Variants in OR4D1 observed in about 807,000 individuals in gnomAD.
The protein encoded by OR4D1 is olfactory receptor 4D1.
In OR4D1, 10 loss-of-function variants were observed where a neutral mutation model predicts 14.2. The observed-to-expected ratio is 0.71, with a 90% CI of 0.44 to 1.20. The LOEUF (loss-of-function observed/expected upper bound fraction) is 1.20, where lower values mean the gene tolerates loss of function less well. Among genes scored for constraint, OR4D1 ranks in the 50% most tolerant of loss-of-function variants. The probability of loss-of-function intolerance (pLI) is 0.00; values close to 1 mark genes in which losing one functional copy is unlikely to be tolerated. For synonymous variants in OR4D1, 141 were observed against 147.4 expected, an observed-to-expected ratio of 0.96 and a Z score of 0.32; for missense variants, 345 against 376.6, an observed-to-expected ratio of 0.92 and a Z score of 0.70.
In OR4D1 at chr17:58,156,683, G is replaced by A. The variant is rs1967779388; in HGVS notation, c.*597G>A. On this transcript the variant is annotated 3_prime_UTR_variant, in exon 4 of 4. Transcript: ENST00000268912. ...GCTCAAAGGTGAACAGTAAGTGAGT[G>A]GCAGAGCTTGCCCTGGAACCTGGTT... 1 of 170,602 alleles carries A rather than the reference G, an allele frequency of 5.9e-6. No individual in the cohort carries two copies. The highest frequency in any genetic ancestry group is 1.3e-5 in the Non-Finnish European group (1 of 79,862). The allele number at this position is 170,602 out of a possible 1,614,324, so 10.6% of individuals were successfully genotyped here.
At position 58,148,840 on chromosome 17, in the gene OR4D1, T is replaced by C. The variant is rs542871430; in HGVS notation, c.-495+256T>C. Among the ~76,000 whole-genome samples, 5 of 152,284 alleles carry C rather than the reference T, an allele frequency of 3.3e-5. No individual in the cohort carries two copies. In the South Asian group the frequency reaches 1.0e-3, roughly 32 times the overall value. On this transcript the variant is annotated intron_variant, in intron 1 of 3. Transcript: ENST00000268912. The stretch of plus-strand genomic sequence containing the variant: ...AGGAGAAAACACAAACAGGTCTTGC[T>C]CTGACACTTTCCACCCTCTACTGTT...
In OR4D1 at chr17:58,158,029, T is replaced by C. The variant is rs1295619514; in HGVS notation, c.*1943T>C. 1.4e-5 allele frequency: 5 copies of C among 362,644 alleles called. No individual in the cohort carries two copies. In the East Asian group the frequency reaches 1.9e-4, roughly 14 times the overall value. 22.5% of individuals were successfully genotyped at this position (362,644 alleles called of 1,614,324 possible). A position where few individuals can be genotyped will look rare whatever the true frequency, so the allele number is the denominator to read the frequency against. ...TAATCTTCCAGGTGCCCCCTTCTCC[T>C]TTCACAAAGATTGGCTCTGATGGTT... is the stretch of plus-strand genomic sequence containing the variant. On this transcript the variant is annotated 3_prime_UTR_variant, in exon 4 of 4. Coordinates refer to ENST00000268912, the MANE Select transcript of OR4D1 (RefSeq NM_001386095.1).
At chr17:58,151,585 A>G (rs967133286) in intron 2 of OR4D1, among the ~76,000 whole-genome samples, 1 of 152,204 alleles carries the variant, frequency 6.6e-6, no homozygotes, top group Non-Finnish European at 1.5e-5. Context: ...GTCCCCGCAA[A>G]GGACATGATC....
In OR4D1 at chr17:58,155,711, A is replaced by C; in HGVS notation, c.558A>C (p.Arg186Ser). 1 of 1,614,048 alleles carries C rather than the reference A, an allele frequency of 6.2e-7. No individual in the cohort carries two copies. The highest frequency in any genetic ancestry group is 8.5e-7 in the Non-Finnish European group (1 of 1,179,992). Residue 186 changes from arginine to serine, a missense_variant, in exon 4 of 4, where the codon AGA becomes AGC. Physicochemically the swap from Arg to Ser is moderately radical, Grantham distance 110. Transcript: ENST00000268912. Reference sequence around the variant, plus strand: ...ACTGTGATGTTCCCCAAGTACTGAGACTTGCCTGCACTGATACCTCCCTCC... The same window carrying C: ...ACTGTGATGTTCCCCAAGTACTGAGCCTTGCCTGCACTGATACCTCCCTCC... Reference protein sequence around the residue: ...NFYCDVPQVLRLACTDTSLLE... With the variant: ...NFYCDVPQVLSLACTDTSLLE...
Position 58,159,498 on chromosome 17 carries a change from TCA to T in OR4D1, c.*3414_*3415del, listed in dbSNP as rs58249474. 17,710 of 152,766 alleles carry T rather than the reference TCA, an allele frequency of 0.12. 1,301 individuals carry two copies. The highest frequency in any genetic ancestry group is 0.21 in the African/African-American group (8,646 of 41,468). 9.5% of individuals were successfully genotyped at this position (152,766 alleles called of 1,614,324 possible). On this transcript the variant is annotated 3_prime_UTR_variant, in exon 4 of 4. Transcript: ENST00000268912. Reference sequence around the variant, plus strand: ...CCATCTTGGAAGCAGAGAATAGCCCTCACCAGACAACCAAACCTGTTGGAACC... The same window carrying T: ...CCATCTTGGAAGCAGAGAATAGCCCTCCAGACAACCAAACCTGTTGGAACC...
At chr17:58,150,122 A>G (rs530842246) in intron 2 of OR4D1, among the ~76,000 whole-genome samples, 2 of 152,242 alleles carry the variant, frequency 1.3e-5, no homozygotes, top group Non-Finnish European at 2.9e-5. Context: ...AGTTATTACC[A>G]TTACTACAAT....
rs1216323743 is a variant in OR4D1 at position 58,155,989 on chromosome 17, C to G, written c.836C>G (p.Thr279Ser). 6.9e-7 allele frequency: 1 copy of G among 1,454,828 alleles called. No homozygotes were observed. The highest frequency in any genetic ancestry group is 1.7e-5 in the African/African-American group (1 of 58,782). 90.1% of individuals were successfully genotyped at this position (1,454,828 alleles called of 1,614,324 possible). The change falls in exon 4 of 4, where the codon ACC becomes AGC. Residue 279 changes from threonine (T) to serine (S), a missense_variant. Physicochemically the swap from Thr to Ser is moderately conservative, Grantham distance 58. Transcript: ENST00000268912. ...GTGTCCATCAGCTACACAGTCATGACCCCCATGCTCAACCCCATGATCTAC... is the reference window on the plus strand; with the variant it reads ...GTGTCCATCAGCTACACAGTCATGAGCCCCATGCTCAACCCCATGATCTAC... ...KAVSISYTVM[T>S]PMLNPMIYTL...
At chr17:58,153,604 T>G (rs573510952) in intron 2 of OR4D1, among the ~76,000 whole-genome samples, 1 of 152,350 alleles carries the variant, frequency 6.6e-6, no homozygotes, top group East Asian at 1.9e-4. Flanking sequence ...GTGTAATTGC[T>G]GCTACCCTAC....
chr17:58,157,369 G>A lies in OR4D1; in HGVS notation c.*1283G>A, dbSNP rs189701007. 2.2e-6 allele frequency: 3 copies of A among 1,363,322 alleles called. No homozygotes were observed. Among genetic ancestry groups the A allele is most frequent in the Non-Finnish European group, 3.0e-6 (3 of 985,540 alleles). 84.5% of individuals were successfully genotyped at this position (1,363,322 alleles called of 1,614,324 possible). A position where few individuals can be genotyped will look rare whatever the true frequency, so the allele number is the denominator to read the frequency against. On this transcript the variant is annotated 3_prime_UTR_variant, in exon 4 of 4. Transcript: ENST00000268912. ...GATGCAGGAACCCTGCTGATAATTC[G>A]CCGCCGCCAAGACACGTGAGCCCTA...
At position 58,157,956 on chromosome 17, in the gene OR4D1, C is replaced by G. The variant is rs1389124352; in HGVS notation, c.*1870C>G. 4 of 671,398 alleles carry G rather than the reference C, an allele frequency of 6.0e-6. No individual in the cohort carries two copies. Among genetic ancestry groups the G allele is most frequent in the Non-Finnish European group, 1.0e-5 (4 of 391,118 alleles). 41.6% of individuals were successfully genotyped at this position (671,398 alleles called of 1,614,324 possible). A position where few individuals can be genotyped will look rare whatever the true frequency, so the allele number is the denominator to read the frequency against. On this transcript the variant is annotated 3_prime_UTR_variant, in exon 4 of 4. Transcript: ENST00000268912. ...AGGCCGGCAGGGCCACACGACACAG[C>G]TGAAGTTTGTTCTTTAGGCGGAGGC...
intron 2 of OR4D1, among the ~76,000 whole-genome samples, chr17:58,150,954 T>C (rs933997726): frequency 1.3e-5 from 2 of 152,156 alleles, no homozygotes; most frequent in Non-Finnish European, 2.9e-5. Flanking sequence ...AATACTTCTT[T>C]TGCTTTTTTT....
chr17:58,155,848 C>T lies in OR4D1; in HGVS notation c.695C>T (p.Ala232Val). The change falls in exon 4 of 4, where the codon GCA (alanine) becomes GTA (valine). Residue 232 changes from alanine to valine, a missense_variant. By Grantham distance (64) the Ala-to-Val change is moderately conservative. Coordinates refer to ENST00000268912, the MANE Select transcript of OR4D1 (RefSeq NM_001386095.1). Reference protein sequence around the residue: ...LVMLRSHSGKARRKAASTCTT... With the variant: ...LVMLRSHSGKVRRKAASTCTT... Reference sequence around the variant, plus strand: ...ATGCTGAGGTCCCACTCGGGAAAGGCAAGGAGGAAGGCAGCTTCCACCTGC... The same window carrying T: ...ATGCTGAGGTCCCACTCGGGAAAGGTAAGGAGGAAGGCAGCTTCCACCTGC... 5.0e-6 allele frequency: 8 copies of T among 1,614,172 alleles called. No individual in the cohort carries two copies. The highest frequency in any genetic ancestry group is 5.9e-6 in the Non-Finnish European group (7 of 1,179,996).
rs1967805594 is a variant in OR4D1, at chr17:58,158,438, TCCCCACGCCCACCCCCC to T, written c.*2359_*2375del. The T allele has an allele frequency of 8.9e-6, 1 of 112,644 alleles. No individual in the cohort carries two copies. The highest frequency in any genetic ancestry group is 9.9e-5 in the Admixed American group (1 of 10,052). The allele number at this position is 112,644 out of a possible 1,614,324, so 7.0% of individuals were successfully genotyped here. ...ATACTACCATATTTGTTCCTATCTC[TCCCCACGCCCACCCCCC>T]CCCCACACACACATTTTTACAGTTT... On this transcript the variant is annotated 3_prime_UTR_variant, in exon 4 of 4. Coordinates refer to ENST00000268912, the MANE Select transcript of OR4D1 (RefSeq NM_001386095.1).
intron 2 of OR4D1, among the ~76,000 whole-genome samples, chr17:58,153,006 CTGT>C (rs1967722270): frequency 6.6e-6 from 1 of 152,140 alleles, no homozygotes; most frequent in Admixed American, 6.5e-5. Flanking sequence ...ATGAAGTATG[CTGT>C]TAACATTTCA....
At chr17:58,154,387 G>A (rs368747280) in intron 3 of OR4D1, among the ~76,000 whole-genome samples, 16 of 150,988 alleles carry the variant, frequency 1.1e-4, no homozygotes, top group South Asian at 2.1e-4. Context: ...TAGAAAATTC[G>A]CATAAATTTT....
rs749568512 is a variant in OR4D1 at position 58,156,036 on chromosome 17, A to G, written c.883A>G (p.Lys295Glu). Reference sequence around the variant, plus strand: ...CTACACCCTGAGAAACCAGGACATGAAAGCAGCCATGAGGAGATTAGGCAA... The same window carrying G: ...CTACACCCTGAGAAACCAGGACATGGAAGCAGCCATGAGGAGATTAGGCAA... ...MIYTLRNQDM[K>E]AAMRRLGKCL... The change falls in exon 4 of 4, where the codon AAA becomes GAA. Residue 295 changes from lysine (K) to glutamate (E), a missense_variant. Physicochemically the swap from Lys to Glu is moderately conservative, Grantham distance 56 (BLOSUM62 1). Coordinates refer to ENST00000268912, the MANE Select transcript of OR4D1 (RefSeq NM_001386095.1). The G allele has an allele frequency of 1.2e-6, 2 of 1,613,900 alleles. No homozygotes were observed. Among genetic ancestry groups the G allele is most frequent in the South Asian group, 2.2e-5 (2 of 91,046 alleles).
rs955419131 is a variant in OR4D1, at chr17:58,158,195, G to A, written c.*2109G>A. On this transcript the variant is annotated 3_prime_UTR_variant, in exon 4 of 4. Coordinates refer to ENST00000268912, the MANE Select transcript of OR4D1 (RefSeq NM_001386095.1). ...TCACCTTCTTAAAGAGACTGTGTAAGTCCATTTGTTGTGTTTTCTTAAAGA... is the reference window on the plus strand; with the variant it reads ...TCACCTTCTTAAAGAGACTGTGTAAATCCATTTGTTGTGTTTTCTTAAAGA... 1 of 152,034 alleles carries A rather than the reference G, an allele frequency of 6.6e-6. No individual in the cohort carries two copies. The highest frequency in any genetic ancestry group is 2.4e-5 in the African/African-American group (1 of 41,376). 9.4% of individuals were successfully genotyped at this position (152,034 alleles called of 1,614,324 possible). A position where few individuals can be genotyped will look rare whatever the true frequency, so the allele number is the denominator to read the frequency against.
At position 58,157,945 on chromosome 17, in the gene OR4D1, A is replaced by G; in HGVS notation, c.*1859A>G. The G allele has an allele frequency of 1.4e-6, 1 of 740,348 alleles. No individual in the cohort carries two copies. The highest frequency in any genetic ancestry group is 2.3e-6 in the Non-Finnish European group (1 of 439,042). 45.9% of individuals were successfully genotyped at this position (740,348 alleles called of 1,614,324 possible). On this transcript the variant is annotated 3_prime_UTR_variant, in exon 4 of 4. Transcript: ENST00000268912. Reference sequence around the variant, plus strand: ...CCTAAGCGGCTAGGCCGGCAGGGCCACACGACACAGCTGAAGTTTGTTCTT... The same window carrying G: ...CCTAAGCGGCTAGGCCGGCAGGGCCGCACGACACAGCTGAAGTTTGTTCTT...
At chr17:58,152,236 C>T (rs767053750) in intron 2 of OR4D1, among the ~76,000 whole-genome samples, 26 of 152,190 alleles carry the variant, frequency 1.7e-4, no homozygotes, top group Non-Finnish European at 2.9e-4. Context: ...AACTCCTGAC[C>T]TCAGGTGATC....
Sources: allele counts gnomAD v4.1 joint callset (sites outside exome capture counted in the v4.1 genomes callset), GRCh38; gene constraint gnomAD v4.1.1; transcripts MANE v1.5; gene names NCBI Gene and HGNC (gene_info 2026-07-23, HGNC 2026-07-21).